The following CDC14B variants were observed in gnomAD, a reference collection of about 807,000 sequenced individuals.
The protein encoded by CDC14B is cell division cycle 14B, also known as dual specificity protein phosphatase CDC14B.
In CDC14B, 22 loss-of-function variants were observed where a neutral mutation model predicts 64.2. The ratio of observed to expected loss-of-function variants is 0.34; its 90% CI spans 0.24 to 0.49. CDC14B has a LOEUF of 0.49. Among genes scored for constraint, CDC14B ranks in the 20% least tolerant of loss-of-function variants. CDC14B has a pLI of 0.99. For missense variants in CDC14B, 498 were observed against 629.9 expected, an observed-to-expected ratio of 0.79 and a Z score of 2.24; for synonymous variants, 191 against 215.8, an observed-to-expected ratio of 0.89 and a Z score of 1.01.
chr9:96,544,086 G>A (rs750906760), intron 5 of CDC14B, among the ~76,000 whole-genome samples: 35 of 151,882 alleles, frequency 2.3e-4, no homozygotes, highest in Non-Finnish European at 1.3e-4. Context: ...GCATGGTGGC[G>A]CGCACCTGTA....
chr9:96,585,354 T>A (rs924305230), intron 1 of CDC14B, among the ~76,000 whole-genome samples: 4 of 151,572 alleles, frequency 2.6e-5, no homozygotes, highest in Non-Finnish European at 4.4e-5. Flanking sequence ...ATGCTTTCCC[T>A]CCCCTTGCCC....
intron 6 of CDC14B, among the ~76,000 whole-genome samples, chr9:96,539,812 G>A (rs1277337940): frequency 1.3e-5 from 2 of 152,156 alleles, no homozygotes; most frequent in Non-Finnish European, 2.9e-5. Flanking sequence ...AATAAGCAGA[G>A]TGTCTATTTT....
chr9:96,519,702 G>A (rs1836365137), intron 12 of CDC14B, among the ~76,000 whole-genome samples: 1 of 138,222 alleles, frequency 7.2e-6, no homozygotes, highest in South Asian at 2.3e-4. Flanking sequence ...TTGCACTCCA[G>A]CCCGGCCAAC....
chr9:96,494,135 T>A (rs1156393467), intron 13 of CDC14B, among the ~76,000 whole-genome samples: 2 of 152,228 alleles, frequency 1.3e-5, no homozygotes, highest in Non-Finnish European at 2.9e-5. Flanking sequence ...AAGGACGCTG[T>A]CTTTCTTGCT....
At chr9:96,547,249 G>A (rs1036327302) in intron 5 of CDC14B, among the ~76,000 whole-genome samples, 2 of 151,892 alleles carry the variant, frequency 1.3e-5, no homozygotes, top group African/African-American at 4.8e-5. Context: ...TGGATCACCT[G>A]AGGTCGGGAG....
rs1273695791 is a variant in CDC14B at position 96,619,647 on chromosome 9, G to T, written c.-269C>A. On this transcript the variant is annotated 5_prime_UTR_variant, in exon 1 of 14. Transcript: ENST00000375241. ...GCTACAGCGCCTCCTGCCGCGGCCG[G>T]CGCCCCCAGCCCGCCCCCAGGTGCC... 1 of 147,390 alleles carries T rather than the reference G, an allele frequency of 6.8e-6. No individual in the cohort carries two copies. Among genetic ancestry groups the T allele is most frequent in the African/African-American group, 2.4e-5 (1 of 40,944 alleles). 9.1% of individuals were successfully genotyped at this position (147,390 alleles called of 1,614,324 possible).
Position 96,501,178 on chromosome 9 carries a change from G to C in CDC14B, c.*2575C>G, listed in dbSNP as rs1346490838. The C allele has an allele frequency of 6.6e-6, 1 of 151,520 alleles. No homozygotes were observed. Among genetic ancestry groups the C allele is most frequent in the African/African-American group, 2.4e-5 (1 of 41,228 alleles). 9.4% of individuals were successfully genotyped at this position (151,520 alleles called of 1,614,324 possible). ...GTCCGTCTATACTTCTAGGAACCCA[G>C]TTTTGCAGACGCTCTTCCTCCGGAC... On this transcript the variant is annotated 3_prime_UTR_variant, in exon 14 of 14. Coordinates refer to ENST00000375241, the MANE Select transcript of CDC14B (RefSeq NM_033331.4).
At position 96,580,251 on chromosome 9, in the gene CDC14B, G is replaced by T. The variant is rs111737052; in HGVS notation, c.161-14768C>A. Reference sequence around the variant, plus strand: ...TGCCACTTTTTTTTTTTTTTGAGACGGAGTTTCGCTCTTTTTTTTGCCCAG... The same window carrying T: ...TGCCACTTTTTTTTTTTTTTGAGACTGAGTTTCGCTCTTTTTTTTGCCCAG... On this transcript the variant is annotated intron_variant, in intron 1 of 13. Coordinates refer to ENST00000375241, the MANE Select transcript of CDC14B (RefSeq NM_033331.4). Among the ~76,000 whole-genome samples, 1,052 of 149,886 alleles carry T rather than the reference G, an allele frequency of 7.0e-3. 17 individuals carry two copies. The highest frequency in any genetic ancestry group is 0.024 in the African/African-American group (975 of 40,826).
chr9:96,549,200 A>G (rs973832980), intron 5 of CDC14B, among the ~76,000 whole-genome samples: 4 of 152,200 alleles, frequency 2.6e-5, no homozygotes, highest in African/African-American at 9.7e-5. Context: ...ATTTTTGTGA[A>G]TAAAATAAAT....
chr9:96,582,091 T>G (rs747898993), intron 1 of CDC14B, among the ~76,000 whole-genome samples: 8 of 152,122 alleles, frequency 5.3e-5, no homozygotes, highest in Non-Finnish European at 1.2e-4. Flanking sequence ...CCCTGAAACT[T>G]AAGTCACTGG....
chr9:96,538,255 C>T (rs139945897), intron 7 of CDC14B, among the ~76,000 whole-genome samples: 8 of 152,246 alleles, frequency 5.3e-5, no homozygotes, highest in Admixed American at 1.3e-4. Flanking sequence ...AAAGAACACA[C>T]GGGGCACACT....
chr9:96,599,064 T>C (rs933612583), intron 1 of CDC14B, among the ~76,000 whole-genome samples: 20 of 152,182 alleles, frequency 1.3e-4, no homozygotes, highest in Non-Finnish European at 1.6e-4. Context: ...ACAATTATAA[T>C]TGGCAGCATT....
At chr9:96,521,749 G>A (rs1038797530) in intron 12 of CDC14B, among the ~76,000 whole-genome samples, 15 of 152,012 alleles carry the variant, frequency 9.9e-5, no homozygotes, top group South Asian at 4.1e-4. Context: ...CTCCCTCCCC[G>A]CAAAAAAGAA....
chr9:96,517,643 C>CAAAAAAAAA (rs1016405679), intron 12 of CDC14B, among the ~76,000 whole-genome samples: 563 of 34,632 alleles, frequency 0.016, 50 homozygotes, highest in African/African-American at 0.078. Flanking sequence ...GACTCCGTCT[C>CAAAAAAAAA]AAAAAAAAAA....
chr9:96,615,294 T>C (rs1242705177), intron 1 of CDC14B, among the ~76,000 whole-genome samples: 1 of 152,186 alleles, frequency 6.6e-6, no homozygotes, highest in Non-Finnish European at 1.5e-5. Flanking sequence ...TTAAACCCCT[T>C]AGTCTGCTCC....
chr9:96,561,588 C>T (rs1843205016), intron 4 of CDC14B, among the ~76,000 whole-genome samples: 1 of 152,142 alleles, frequency 6.6e-6, no homozygotes, highest in Admixed American at 6.5e-5. Context: ...ACGACGTTCT[C>T]TTCCCTCAGC....
At chr9:96,610,742 A>T (rs188002413) in intron 1 of CDC14B, among the ~76,000 whole-genome samples, 6 of 152,284 alleles carry the variant, frequency 3.9e-5, no homozygotes, top group African/African-American at 1.2e-4. Context: ...ATTCAATTTA[A>T]AAAGAAAAAC....
chr9:96,528,542 A>G (rs1049873510), intron 9 of CDC14B, among the ~76,000 whole-genome samples: 1 of 137,696 alleles, frequency 7.3e-6, no homozygotes, highest in African/African-American at 3.6e-5. Flanking sequence ...AAAAAAAAGA[A>G]GAAGAAGAAG....
rs539727130 is a variant in CDC14B at position 96,540,670 on chromosome 9, AC to A, written c.564+1155del. On this transcript the variant is annotated intron_variant, in intron 6 of 13. Transcript: ENST00000375241. ...TGGTGTTATAATAGATCATTTCCAA[AC>A]CCCTCAAAGCTTTACTTTTCTCTTT... 1.3e-3 allele frequency among the ~76,000 whole-genome samples: 204 copies of A among 151,758 alleles called. 1 individual carries two copies. The highest frequency in any genetic ancestry group is 0.01 in the Middle Eastern group (3 of 292).
Sources: allele counts gnomAD v4.1 joint callset (sites outside exome capture counted in the v4.1 genomes callset), GRCh38; gene constraint gnomAD v4.1.1; transcripts MANE v1.5; gene names NCBI Gene and HGNC (gene_info 2026-07-23, HGNC 2026-07-21).